CAPN14: variants seen among roughly 807,000 people sequenced by gnomAD.
CAPN14 encodes calpain-14.
Under a neutral mutation model 101.3 loss-of-function variants are expected in CAPN14, and 94 were observed. That is an observed-to-expected ratio of 0.93 (90% CI 0.79 to 1.10). CAPN14 has a LOEUF of 1.10. CAPN14 is among the 50% of genes least tolerant of loss of function. CAPN14 has a pLI of 0.00. For synonymous variants in CAPN14, 338 were observed against 317.9 expected (o/e 1.06, Z -0.67); for missense variants, 837 against 828.4 (o/e 1.01, Z -0.13).
chr2:31,202,042 A>G lies in CAPN14; in HGVS notation c.415-44T>C. The G allele has an allele frequency of 1.9e-6, 3 of 1,550,398 alleles. No homozygotes were observed. The South Asian group carries it at 3.6e-5, about 18-fold the overall frequency. On this transcript the variant is annotated intron_variant, in intron 4 of 21. Transcript: ENST00000403897. ...CCCGGGTGAATGAGGACTGCTGCAG[A>G]TGGTGATCAGCCCAGAAGGTGAAGA...
At chr2:31,225,836 C>T (rs1340414894) in intron 2 of CAPN14, among the ~76,000 whole-genome samples, 1 of 151,768 alleles carries the variant, frequency 6.6e-6, no homozygotes, top group Non-Finnish European at 1.5e-5. Context: ...AAATTACCCC[C>T]AAATTTTCAT....
intron 2 of CAPN14, among the ~76,000 whole-genome samples, chr2:31,225,017 G>A (rs1330373287): frequency 6.6e-6 from 1 of 151,942 alleles, no homozygotes; most frequent in Non-Finnish European, 1.5e-5. Flanking sequence ...GAGAAGACAA[G>A]GAGAAGGTAA....
At chr2:31,218,816 A>G (rs978128525), upstream of CAPN14, among the ~76,000 whole-genome samples, 3 of 152,188 alleles carry the variant, frequency 2.0e-5, no homozygotes, top group African/African-American at 7.2e-5. Context: ...TCTCCCTGCC[A>G]CTGTCAAATC....
intron 16 of CAPN14, among the ~76,000 whole-genome samples, chr2:31,182,335 G>A (rs931655696): frequency 2.0e-5 from 3 of 149,300 alleles, no homozygotes; most frequent in African/African-American, 7.6e-5. Flanking sequence ...TTCTGGCCAG[G>A]GCAATCAGGC....
chr2:31,177,445 G>A (rs960187182), intron 19 of CAPN14, among the ~76,000 whole-genome samples: 12 of 152,096 alleles, frequency 7.9e-5, no homozygotes, highest in African/African-American at 2.2e-4. Context: ...TTGGGAGCCC[G>A]GCAGTCCTGA....
chr2:31,200,390 G>A (rs1235382225), intron 6 of CAPN14, 61 bp downstream of exon 6: 31 of 1,436,294 alleles, frequency 2.2e-5, no homozygotes, highest in Non-Finnish European at 2.9e-5. Flanking sequence ...GGTAGTGGTG[G>A]TGGATGGAGG....
intron 8 of CAPN14, among the ~76,000 whole-genome samples, chr2:31,194,991 G>C (rs1444483876): frequency 1.3e-5 from 2 of 152,180 alleles, no homozygotes; most frequent in Non-Finnish European, 2.9e-5. Flanking sequence ...CAAACGAGGT[G>C]AGCCCTAACA....
intron 12 of CAPN14, 33 bp from the exon 13 acceptor site, chr2:31,189,511 G>A (rs1681072386): frequency 6.6e-7 from 1 of 1,522,384 alleles, no homozygotes; most frequent in African/African-American, 1.4e-5. Context: ...CAGCAAGGGA[G>A]GTGATGACCC....
chr2:31,181,807 A>G (rs1389191369), intron 16 of CAPN14, among the ~76,000 whole-genome samples: 1 of 149,900 alleles, frequency 6.7e-6, no homozygotes, highest in African/African-American at 2.5e-5. Context: ...TTTACTGAGA[A>G]TGATGATTTC....
rs569458750 is a variant in CAPN14 at position 31,176,393 on chromosome 2, A to G, written c.2028+194T>C. 2.0e-5 allele frequency among the ~76,000 whole-genome samples: 3 copies of G among 152,378 alleles called. No individual in the cohort carries two copies. In the South Asian group the frequency reaches 6.2e-4, roughly 32 times the overall value. ...GATACACCTTTCATATGTGCCTGGCACAAAGTGGGTGCTCAGAAAATATTT... is the reference window on the plus strand; with the variant it reads ...GATACACCTTTCATATGTGCCTGGCGCAAAGTGGGTGCTCAGAAAATATTT... On this transcript the variant is annotated intron_variant, in intron 21 of 21. Transcript: ENST00000403897.
intron 8 of CAPN14, among the ~76,000 whole-genome samples, chr2:31,195,956 A>G (rs1681450852): frequency 6.6e-6 from 1 of 152,220 alleles, no homozygotes; most frequent in Non-Finnish European, 1.5e-5. Context: ...AACAGTCCAT[A>G]GAAACCACCG....
intron 2 of CAPN14, among the ~76,000 whole-genome samples, chr2:31,225,260 C>A (rs988312414): frequency 6.6e-6 from 1 of 151,704 alleles, no homozygotes; most frequent in Non-Finnish European, 1.5e-5. Flanking sequence ...TCTCACTTCC[C>A]AAATTGATGG....
At chr2:31,217,908 C>T (rs1003313199), upstream of CAPN14, among the ~76,000 whole-genome samples, 1 of 152,166 alleles carries the variant, frequency 6.6e-6, no homozygotes, top group Non-Finnish European at 1.5e-5. Context: ...TTTAAACTAA[C>T]ATTGACAGAA....
intron 1 of CAPN14, among the ~76,000 whole-genome samples, chr2:31,209,200 C>T (rs1682265646): frequency 6.8e-6 from 1 of 146,376 alleles, no homozygotes; most frequent in South Asian, 2.2e-4. Flanking sequence ...TAGTCTCTAA[C>T]TCCTGGCGTC....
chr2:31,215,533 T>C (rs975069630), intron 1 of CAPN14, among the ~76,000 whole-genome samples: 1 of 152,116 alleles, frequency 6.6e-6, no homozygotes, highest in Non-Finnish European at 1.5e-5. Flanking sequence ...GAGATGTCGC[T>C]TCCTCCTGAC....
rs914564922 is a variant in CAPN14 at position 31,193,119 on chromosome 2, G to A, written c.1114+12C>T. The A allele has an allele frequency of 1.3e-6, 2 of 1,547,566 alleles. No individual in the cohort carries two copies. The highest frequency in any genetic ancestry group is 1.4e-5 in the African/African-American group (1 of 73,134). On this transcript the variant is annotated intron_variant, in intron 10 of 21. Transcript: ENST00000403897. ...CTCACCCTGAGAGCCCTGCTCCTGT[G>A]CACATGCTCACCCTGCAGCAACTGC...
rs17010999 is a variant in CAPN14 at position 31,199,868 on chromosome 2, G to A, written c.727-336C>T. ...TCCTATTCCTGTTCCATTGTTTCAAGTGTTATCAAATAGGAAGTGGAAAGT... is the reference window on the plus strand; with the variant it reads ...TCCTATTCCTGTTCCATTGTTTCAAATGTTATCAAATAGGAAGTGGAAAGT... On this transcript the variant is annotated intron_variant, in intron 6 of 21. Coordinates refer to ENST00000403897, the MANE Select transcript of CAPN14 (RefSeq NM_001145122.2). Among the ~76,000 whole-genome samples, 1,114 of 152,174 alleles carry A rather than the reference G, an allele frequency of 7.3e-3. 9 individuals carry two copies. Among genetic ancestry groups the A allele is most frequent in the East Asian group, 0.014 (72 of 5,164 alleles).
chr2:31,225,801 G>A (rs1393636671), intron 2 of CAPN14, among the ~76,000 whole-genome samples: 2 of 151,898 alleles, frequency 1.3e-5, no homozygotes, highest in Admixed American at 6.6e-5. Flanking sequence ...TTAAATATAA[G>A]TGCACAAAAG....
chr2:31,199,568 T>C (rs1025947821), intron 6 of CAPN14, 36 bp from the exon 7 acceptor site: 3 of 1,518,348 alleles, frequency 2.0e-6, no homozygotes, highest in African/African-American at 2.8e-5. Context: ...CAGTCTTCTG[T>C]TATGTACAGC....
Sources: gnomAD v4.1 joint callset for allele counts (sites outside exome capture counted in the v4.1 genomes callset) on GRCh38, gnomAD v4.1.1 for gene constraint, MANE v1.5 for transcripts, NCBI Gene and HGNC (gene_info 2026-07-23, HGNC 2026-07-21) for gene names.